AEBP2: variants seen among roughly 807,000 people sequenced by gnomAD.
AEBP2 encodes zinc finger protein AEBP2.
In AEBP2, 10 loss-of-function variants were observed where a neutral mutation model predicts 50.8. The observed-to-expected ratio is 0.20, with a 90% CI of 0.12 to 0.33. The LOEUF (loss-of-function observed/expected upper bound fraction) is 0.33. Ranked by LOEUF, AEBP2 falls within the 10% of genes least tolerant of loss-of-function variation. The probability of loss-of-function intolerance (pLI) is 1.00; values close to 1 mark genes in which losing one functional copy is unlikely to be tolerated. For missense variants in AEBP2, 570 were observed against 688.0 expected (o/e 0.83, Z 1.92); for synonymous variants, 296 against 261.3 (o/e 1.13, Z -1.28).
At chr12:19,453,890 C>T (rs576375485) in intron 1 of AEBP2, among the ~76,000 whole-genome samples, 2 of 151,878 alleles carry the variant, frequency 1.3e-5, no homozygotes, top group East Asian at 1.9e-4. Context: ...TCCACCTCCA[C>T]GGCTCAAGTG....
intron 1 of AEBP2, among the ~76,000 whole-genome samples, chr12:19,453,337 C>T (rs577097287): frequency 2.0e-5 from 3 of 151,884 alleles, no homozygotes; most frequent in African/African-American, 4.8e-5. Flanking sequence ...AGGCTGGTCT[C>T]GAACTCTTGG....
intron 1 of AEBP2, among the ~76,000 whole-genome samples, chr12:19,419,314 G>A (rs182221781): frequency 7.2e-5 from 11 of 152,304 alleles, no homozygotes; most frequent in Admixed American, 4.6e-4. Context: ...AATAGGCCGG[G>A]TGCGGTGGCT....
intron 1 of AEBP2, chr12:19,457,297 A>G: frequency 1.3e-6 from 2 of 1,558,768 alleles, no homozygotes; most frequent in Non-Finnish European, 1.7e-6. Context: ...AACAATCAGG[A>G]CAGCACAGTC....
In AEBP2 at chr12:19,521,220, C is replaced by T. The variant is rs74064132; in HGVS notation, c.*3103C>T. ...ACATAAACTTAGACCACACAACTTG[C>T]ATTTTAATATGACAATGTTGATCTT... On this transcript the variant is annotated 3_prime_UTR_variant, in exon 8 of 8. Coordinates refer to ENST00000266508, the MANE Select transcript of AEBP2 (RefSeq NM_153207.5). 6.6e-6 allele frequency: 1 copy of T among 152,148 alleles called. No individual in the cohort carries two copies. The highest frequency in any genetic ancestry group is 2.4e-5 in the African/African-American group (1 of 41,424). The allele number at this position is 152,148 out of a possible 1,614,324, so 9.4% of individuals were successfully genotyped here. A position where few individuals can be genotyped will look rare whatever the true frequency, so the allele number is the denominator to read the frequency against.
intron 7 of AEBP2, among the ~76,000 whole-genome samples, chr12:19,516,062 C>G (rs1204927883): frequency 2.6e-5 from 4 of 152,138 alleles, no homozygotes; most frequent in Non-Finnish European, 4.4e-5. Flanking sequence ...TCCAGCCTGG[C>G]TGACAGAGCG....
rs112034848 is a variant in AEBP2 at position 19,408,963 on chromosome 12, T to A, written c.-17+4747T>A. Reference sequence around the variant, plus strand: ...AAATAAAGCAAAACAGCAAAAAAAATTTTTTTTTGTTTCTTTTCCGGAAGA... The same window carrying A: ...AAATAAAGCAAAACAGCAAAAAAAAATTTTTTTTGTTTCTTTTCCGGAAGA... On this transcript the variant is annotated intron_variant, in intron 1 of 3. Transcript: ENST00000538425. Among the ~76,000 whole-genome samples, 1,038 of 151,356 alleles carry A rather than the reference T, an allele frequency of 6.9e-3. 8 individuals are homozygous for A. Among genetic ancestry groups the A allele is most frequent in the African/African-American group, 0.023 (948 of 41,280 alleles).
intron 2 of AEBP2, among the ~76,000 whole-genome samples, chr12:19,470,252 G>C (rs183823806): frequency 7.2e-4 from 109 of 151,874 alleles, no homozygotes; most frequent in Admixed American, 3.5e-3. Flanking sequence ...CCCCCTCCCA[G>C]GTTCAAGCGA....
chr12:19,408,035 G>C (rs1046437054), intron 1 of AEBP2, among the ~76,000 whole-genome samples: 2 of 145,180 alleles, frequency 1.4e-5, no homozygotes, highest in Admixed American at 1.4e-4. Context: ...TGGGCAACAA[G>C]AGTGAAACTC....
chr12:19,511,067 G>A (rs760417242), intron 5 of AEBP2, among the ~76,000 whole-genome samples: 4 of 151,934 alleles, frequency 2.6e-5, no homozygotes, highest in Non-Finnish European at 5.9e-5. Flanking sequence ...GAACTCCTGG[G>A]CTCAGGTGAT....
At position 19,485,016 on chromosome 12, in the gene AEBP2, G is replaced by A. The variant is rs1165674759; in HGVS notation, c.988-8784G>A. On this transcript the variant is annotated intron_variant, in intron 3 of 7. Coordinates refer to ENST00000266508, the MANE Select transcript of AEBP2 (RefSeq NM_153207.5). The stretch of plus-strand genomic sequence containing the variant: ...GTACTAATTACATCATGAAGTTCTT[G>A]TTCAGTGTGTGCACACTAAATATAA... Among the ~76,000 whole-genome samples the A allele has an allele frequency of 5.3e-5, 8 of 152,182 alleles. No homozygotes were observed. In the South Asian group the frequency reaches 1.7e-3, roughly 32 times the overall value.
intron 2 of AEBP2, among the ~76,000 whole-genome samples, chr12:19,464,668 C>T (rs2153370679): frequency 1.3e-5 from 2 of 151,550 alleles, no homozygotes; most frequent in Middle Eastern, 3.4e-3. Context: ...CTCACTGCAA[C>T]CTCTGCCTCC....
intron 3 of AEBP2, 131 bp downstream of exon 3, chr12:19,473,486 G>T (rs1395853266): frequency 5.0e-5 from 13 of 261,542 alleles, no homozygotes; most frequent in Non-Finnish European, 8.5e-5. Context: ...GCTCCCTGCA[G>T]CCTCCACCTG....
chr12:19,499,392 C>G (rs1949033331), intron 4 of AEBP2, among the ~76,000 whole-genome samples: 1 of 152,096 alleles, frequency 6.6e-6, no homozygotes, highest in South Asian at 2.1e-4. Context: ...GTAGGCAGAT[C>G]ACATGAAGCC....
At chr12:19,472,380 T>A (rs1354064976) in intron 2 of AEBP2, among the ~76,000 whole-genome samples, 2 of 152,120 alleles carry the variant, frequency 1.3e-5, no homozygotes, top group Non-Finnish European at 2.9e-5. Flanking sequence ...GGAAGCAGTT[T>A]TCAGTGTTTG....
chr12:19,468,553 A>T (rs77888554), intron 2 of AEBP2, among the ~76,000 whole-genome samples: 71 of 152,216 alleles, frequency 4.7e-4, no homozygotes, highest in African/African-American at 1.6e-3. Flanking sequence ...GATTTCATGG[A>T]TTCATTTGTG....
chr12:19,493,671 C>A, intron 3 of AEBP2, 129 bp from the exon 4 acceptor site: 2 of 879,520 alleles, frequency 2.3e-6, no homozygotes, highest in Non-Finnish European at 3.4e-6. Context: ...GTCCCTTATG[C>A]TTCCTTTCTG....
rs957049175 is a variant in AEBP2, at chr12:19,493,679, C to T, written c.988-121C>T. ...ACTACTAGTCCCTTATGCTTCCTTT[C>T]TGGAATTAGTTCTATTGTACTACTT... On this transcript the variant is annotated intron_variant, in intron 3 of 7. Coordinates refer to ENST00000266508, the MANE Select transcript of AEBP2 (RefSeq NM_153207.5). 7.4e-6 allele frequency: 7 copies of T among 945,926 alleles called. No homozygotes were observed. The African/African-American group carries it at 8.3e-5, about 11-fold the overall frequency. 58.6% of individuals were successfully genotyped at this position (945,926 alleles called of 1,614,324 possible).
chr12:19,452,603 A>G (rs1948183362), intron 1 of AEBP2, among the ~76,000 whole-genome samples: 1 of 152,168 alleles, frequency 6.6e-6, no homozygotes, highest in African/African-American at 2.4e-5. Flanking sequence ...TATTAGGGCA[A>G]ATAATTATAA....
At chr12:19,491,477 G>A (rs907979052) in intron 3 of AEBP2, among the ~76,000 whole-genome samples, 2 of 152,194 alleles carry the variant, frequency 1.3e-5, no homozygotes, top group South Asian at 4.1e-4. Flanking sequence ...AGCTCTTTTA[G>A]TGTAGTATCT....
Sources: gnomAD v4.1 joint callset for allele counts (sites outside exome capture counted in the v4.1 genomes callset) on GRCh38, gnomAD v4.1.1 for gene constraint, MANE v1.5 for transcripts, NCBI Gene and HGNC (gene_info 2026-07-23, HGNC 2026-07-21) for gene names.